Variants in PPP6R3 observed in about 807,000 individuals in gnomAD.
PPP6R3 encodes protein phosphatase 6 regulatory subunit 3.
PPP6R3 carries 38 observed loss-of-function variants against 110.7 expected under a neutral mutation model. That is an observed-to-expected ratio of 0.34 (90% confidence interval 0.26 to 0.45). The LOEUF is 0.45. Among genes scored for constraint, PPP6R3 ranks in the 20% least tolerant of loss-of-function variants. The pLI, the probability that PPP6R3 is intolerant of heterozygous loss-of-function variation, is 1.00. For missense variants in PPP6R3, 870 were observed against 1,062.4 expected, an observed-to-expected ratio of 0.82 and a Z score of 2.52; for synonymous variants, 369 against 373.5, an observed-to-expected ratio of 0.99 and a Z score of 0.14.
intron 1 of PPP6R3, among the ~76,000 whole-genome samples, chr11:68,492,718 A>G (rs117541821): frequency 0.016 from 2,441 of 152,268 alleles, 34 homozygotes; most frequent in Non-Finnish European, 0.027. Flanking sequence ...GTACCATTTT[A>G]CATTTCCCCA....
intron 13 of PPP6R3, among the ~76,000 whole-genome samples, chr11:68,575,451 A>G (rs538959102): frequency 1.1e-4 from 16 of 152,330 alleles, no homozygotes; most frequent in African/African-American, 3.1e-4. Flanking sequence ...TTGAAAAGCC[A>G]TACTAGGTTC....
Position 68,460,762 on chromosome 11 carries a change from C to T in PPP6R3, c.-223C>T, listed in dbSNP as rs1433003765. On this transcript the variant is annotated 5_prime_UTR_variant, in exon 1 of 24. Transcript: ENST00000393800. ...TACGTCCGCCATTTTGGGCGCTTCGCTGATGGTGTCGGTGAGCGCGTTTCC... is the reference window on the plus strand; with the variant it reads ...TACGTCCGCCATTTTGGGCGCTTCGTTGATGGTGTCGGTGAGCGCGTTTCC... 6.6e-6 allele frequency: 1 copy of T among 152,086 alleles called. No individual in the cohort carries two copies. Among genetic ancestry groups the T allele is most frequent in the African/African-American group, 2.4e-5 (1 of 41,356 alleles). 9.4% of individuals were successfully genotyped at this position (152,086 alleles called of 1,614,324 possible).
chr11:68,518,680 G>A (rs572306616), intron 1 of PPP6R3, among the ~76,000 whole-genome samples: 1 of 152,202 alleles, frequency 6.6e-6, no homozygotes, highest in Non-Finnish European at 1.5e-5. Context: ...ACCGAGGCCT[G>A]TTACTGTTAT....
intron 3 of PPP6R3, among the ~76,000 whole-genome samples, chr11:68,541,886 G>T (rs1396354873): frequency 6.6e-6 from 1 of 152,082 alleles, no homozygotes; most frequent in Non-Finnish European, 1.5e-5. Flanking sequence ...TTGTAACATG[G>T]AGATCATGGG....
chr11:68,522,891 A>G (rs1592490253), intron 2 of PPP6R3, among the ~76,000 whole-genome samples: 1 of 152,244 alleles, frequency 6.6e-6, no homozygotes, highest in Admixed American at 6.5e-5. Context: ...AGTCAGAGGT[A>G]TATCACAAGG....
chr11:68,548,251 A>G, intron 5 of PPP6R3, 47 bp downstream of exon 5: 1 of 1,605,536 alleles, frequency 6.2e-7, no homozygotes, highest in Non-Finnish European at 8.5e-7. Flanking sequence ...GGGTGCTGGC[A>G]TGTGAGCCCA....
intron 1 of PPP6R3, among the ~76,000 whole-genome samples, chr11:68,506,443 A>AAAAAAAAAT (rs2099078032): frequency 6.8e-6 from 1 of 146,564 alleles, no homozygotes; most frequent in Non-Finnish European, 1.5e-5. Context: ...AAAAAAAAAA[A>AAAAAAAAAT]AAAAATTCCT....
intron 2 of PPP6R3, among the ~76,000 whole-genome samples, chr11:68,527,068 G>C (rs756728543): frequency 6.6e-6 from 1 of 152,190 alleles, no homozygotes; most frequent in African/African-American, 2.4e-5. Context: ...TGAGGGTTGT[G>C]TATTTCCCAG....
chr11:68,610,664 C>G (rs1483321432), intron 23 of PPP6R3, among the ~76,000 whole-genome samples: 1 of 152,312 alleles, frequency 6.6e-6, no homozygotes, highest in South Asian at 2.1e-4. Flanking sequence ...GGAGCCCATG[C>G]CAGGCCCTTA....
chr11:68,594,802 G>A (rs2099608441), intron 18 of PPP6R3, among the ~76,000 whole-genome samples: 2 of 152,162 alleles, frequency 1.3e-5, no homozygotes, highest in Admixed American at 1.3e-4. Context: ...CAACAAAATT[G>A]GAGGACAAAC....
intron 1 of PPP6R3, among the ~76,000 whole-genome samples, chr11:68,509,470 A>ATTTTTT (rs34228704): frequency 1.7e-5 from 2 of 116,458 alleles, no homozygotes; most frequent in South Asian, 2.8e-4. Flanking sequence ...TTACTTCTCT[A>ATTTTTT]TTTTTTTTTT....
Position 68,548,311 on chromosome 11 carries a change from A to T in PPP6R3, c.552+107A>T, listed in dbSNP as rs369339583. The T allele has an allele frequency of 9.2e-6, 13 of 1,416,878 alleles. No individual in the cohort carries two copies. The South Asian group carries it at 1.9e-4, about 20-fold the overall frequency. The allele number at this position is 1,416,878 out of a possible 1,614,324, so 87.8% of individuals were successfully genotyped here. On this transcript the variant is annotated intron_variant, in intron 5 of 23. Transcript: ENST00000393800. ...AATGCATGGGATTAGGGTTGGTAGC[A>T]GAGGGTTGTCTGGGGAGCCGGTAAC... is the stretch of plus-strand genomic sequence containing the variant.
intron 7 of PPP6R3, among the ~76,000 whole-genome samples, chr11:68,555,549 G>C (rs1382335928): frequency 2.0e-5 from 3 of 152,220 alleles, no homozygotes; most frequent in Non-Finnish European, 4.4e-5. Context: ...AGACAGTGCA[G>C]GTTCTGCCTG....
intron 6 of PPP6R3, 136 bp downstream of exon 6, chr11:68,551,322 T>A: frequency 1.5e-6 from 1 of 658,388 alleles, no homozygotes; most frequent in Non-Finnish European, 2.5e-6. Context: ...CTAGTGTTCT[T>A]AAAGTTGATA....
In PPP6R3 at chr11:68,475,179, C is replaced by T. The variant is rs567799514; in HGVS notation, c.-158+14352C>T. The stretch of plus-strand genomic sequence containing the variant: ...AAGCACATCTTGCACCGCCCTTAAT[C>T]CATTTAACCCTGAGTGGACACAGCA... On this transcript the variant is annotated intron_variant, in intron 1 of 23. Coordinates refer to ENST00000393800, the MANE Select transcript of PPP6R3 (RefSeq NM_001164161.2). Among the ~76,000 whole-genome samples the T allele has an allele frequency of 1.9e-3, 294 of 152,262 alleles. 1 individual carries two copies. Among genetic ancestry groups the T allele is most frequent in the African/African-American group, 6.9e-3 (288 of 41,554 alleles).
At chr11:68,481,540 G>A (rs2098912333) in intron 1 of PPP6R3, among the ~76,000 whole-genome samples, 2 of 152,252 alleles carry the variant, frequency 1.3e-5, no homozygotes. Flanking sequence ...AGAAAGGATT[G>A]TAGAGGACAT....
intron 1 of PPP6R3, among the ~76,000 whole-genome samples, chr11:68,469,277 A>G (rs907778431): frequency 2.3e-4 from 35 of 152,210 alleles, no homozygotes; most frequent in African/African-American, 8.0e-4. Flanking sequence ...TAGTTTGTCA[A>G]TGCCTGCTCT....
At position 68,499,479 on chromosome 11, in the gene PPP6R3, C is replaced by CTAAGTGGAAGCTATCATTTTTG. The variant is rs2099036721; in HGVS notation, c.-157-20020_-157-19999dup. The stretch of plus-strand genomic sequence containing the variant: ...GAGAGTGATTCAAGAGAAAGAGCCC[C>CTAAGTGGAAGCTATCATTTTTG]TAAGTGGAAGCTATCATTTTTGTGA... On this transcript the variant is annotated intron_variant, in intron 1 of 23. Transcript: ENST00000393800. Among the ~76,000 whole-genome samples the CTAAGTGGAAGCTATCATTTTTG allele has an allele frequency of 4.6e-5, 7 of 152,190 alleles. No individual in the cohort carries two copies. In the South Asian group the frequency reaches 1.5e-3, roughly 32 times the overall value.
intron 2 of PPP6R3, among the ~76,000 whole-genome samples, chr11:68,523,358 C>T (rs1421476605): frequency 6.6e-6 from 1 of 152,150 alleles, no homozygotes; most frequent in East Asian, 1.9e-4. Context: ...CTTGATGTCT[C>T]GTATTTCTGG....
Sources: gnomAD v4.1 joint callset for allele counts (sites outside exome capture counted in the v4.1 genomes callset) on GRCh38, gnomAD v4.1.1 for gene constraint, MANE v1.5 for transcripts, NCBI Gene and HGNC (gene_info 2026-07-23, HGNC 2026-07-21) for gene names.